The following SCN10A variants were observed in gnomAD, a reference collection of about 807,000 sequenced individuals.
SCN10A encodes the protein sodium voltage-gated channel alpha subunit 10.
In SCN10A, 162 loss-of-function variants were observed where a neutral mutation model predicts 170.7. The observed-to-expected ratio is 0.95, with a 90% CI of 0.84 to 1.08. The LOEUF is 1.08. Ranked by LOEUF, SCN10A falls within the 50% of genes least tolerant of loss-of-function variation. The pLI is 0.00. For synonymous variants in SCN10A, 985 were observed against 904.6 expected, an observed-to-expected ratio of 1.09 and a Z score of -1.59; for missense variants, 2,527 against 2,436.9, an observed-to-expected ratio of 1.04 and a Z score of -0.78.
At chr3:38,790,432 T>A (rs1241340256) in intron 3 of SCN10A, among the ~76,000 whole-genome samples, 1 of 152,006 alleles carries the variant, frequency 6.6e-6, no homozygotes, top group East Asian at 1.9e-4. Context: ...AATCTCAAGA[T>A]GAAGAGAATA....
In SCN10A at chr3:38,768,284, C is replaced by T. The variant is rs146147517; in HGVS notation, c.599+2995G>A. On this transcript the variant is annotated intron_variant, in intron 5 of 27. Coordinates refer to ENST00000449082, the MANE Select transcript of SCN10A (RefSeq NM_006514.4). ...GTGAGGTACTCTTCTATTCATTATG[C>T]TAGTTATTGCCTTAATTCCTTTTTT... Among the ~76,000 whole-genome samples the T allele has an allele frequency of 3.3e-3, 504 of 151,944 alleles. 3 individuals carry two copies. Among genetic ancestry groups the T allele is most frequent in the African/African-American group, 0.01 (432 of 41,472 alleles).
At chr3:38,751,147 C>G (rs1210889334) in intron 12 of SCN10A, among the ~76,000 whole-genome samples, 6 of 152,228 alleles carry the variant, frequency 3.9e-5, no homozygotes, top group Admixed American at 3.3e-4. Context: ...GGCTTCTTCT[C>G]TCCTGTGCTA....
intron 15 of SCN10A, among the ~76,000 whole-genome samples, chr3:38,730,711 A>G (rs1277070330): frequency 6.6e-6 from 1 of 152,296 alleles, no homozygotes; most frequent in East Asian, 1.9e-4. Flanking sequence ...AATGAAAAAT[A>G]TAATACTTAA....
At position 38,752,485 on chromosome 3, in the gene SCN10A, G is replaced by T. The variant is rs370009920; in HGVS notation, c.1489C>A (p.Arg497Ser). ...MSFLGLASGK[R>S]RASHGSVFHF... ...AACACACTGCCATGACTAGCCCGGC[G>T]TTTTCCAGAGGCGAGGCCTAGAAAA... is the stretch of plus-strand genomic sequence containing the variant. The change falls in exon 12 of 28, where the codon CGC becomes AGC. Residue 497 changes from arginine to serine, a missense_variant. By Grantham distance (110) the Arg-to-Ser change is moderately radical (BLOSUM62 -1). Transcript: ENST00000449082. 1.9e-6 allele frequency: 3 copies of T among 1,600,730 alleles called. No individual in the cohort carries two copies. The African/African-American group carries it at 4.0e-5, about 22-fold the overall frequency.
At chr3:38,767,168 T>G (rs1313249522) in intron 5 of SCN10A, among the ~76,000 whole-genome samples, 3 of 152,002 alleles carry the variant, frequency 2.0e-5, no homozygotes, top group Non-Finnish European at 4.4e-5. Flanking sequence ...ATTTTCTATA[T>G]CTTTTTAAAG....
At chr3:38,728,478 A>G (rs1353852266) in intron 16 of SCN10A, 64 bp downstream of exon 16, 2 of 1,470,958 alleles carry the variant, frequency 1.4e-6, no homozygotes, top group South Asian at 1.6e-5. Context: ...AAGCTTTTTC[A>G]GATAACCCAG....
intron 27 of SCN10A, among the ~76,000 whole-genome samples, chr3:38,701,440 T>G (rs920703875): frequency 6.6e-6 from 1 of 152,186 alleles, no homozygotes; most frequent in Non-Finnish European, 1.5e-5. Flanking sequence ...CCAGAACAGA[T>G]TTTAAGACTC....
At chr3:38,792,911 C>T (rs551846743) in intron 2 of SCN10A, among the ~76,000 whole-genome samples, 60 of 151,944 alleles carry the variant, frequency 3.9e-4, no homozygotes, top group African/African-American at 1.4e-3. Context: ...TATGTTGATA[C>T]CTTTTTGTTT....
At chr3:38,792,377 C>T (rs2064293963) in intron 2 of SCN10A, among the ~76,000 whole-genome samples, 1 of 152,182 alleles carries the variant, frequency 6.6e-6, no homozygotes, top group South Asian at 2.1e-4. Context: ...GCAAGATCCT[C>T]ATCTCTGGGA....
chr3:38,711,778 A>G (rs1265555444), intron 23 of SCN10A, among the ~76,000 whole-genome samples: 1 of 152,246 alleles, frequency 6.6e-6, no homozygotes, highest in Non-Finnish European at 1.5e-5. Flanking sequence ...CCAACATTAT[A>G]TATCATTACA....
At position 38,698,365 on chromosome 3, in the gene SCN10A, A is replaced by G; in HGVS notation, c.4855T>C (p.Phe1619Leu). ...NIGLLLFLVM[F>L]IYSIFGMSSF... ...GACATACCGAAGATAGAGTAGATGA[A>G]CATGACAAGGAATAGCAACAGCCCG... is the stretch of plus-strand genomic sequence containing the variant. The change falls in exon 28 of 28, where the codon TTC becomes CTC. Residue 1619 changes from phenylalanine (F) to leucine (L), a missense_variant. By Grantham distance (22) the Phe-to-Leu change is conservative. Coordinates refer to ENST00000449082, the MANE Select transcript of SCN10A (RefSeq NM_006514.4). The G allele has an allele frequency of 6.2e-7, 1 of 1,614,172 alleles. No homozygotes were observed. Among genetic ancestry groups the G allele is most frequent in the Non-Finnish European group, 8.5e-7 (1 of 1,180,024 alleles).
intron 4 of SCN10A, among the ~76,000 whole-genome samples, chr3:38,788,280 G>A (rs1358509382): frequency 6.8e-6 from 1 of 147,286 alleles, no homozygotes; most frequent in Non-Finnish European, 1.5e-5. Flanking sequence ...CCAAAGGTAT[G>A]TTAGGTTCAA....
Position 38,701,873 on chromosome 3 carries a change from C to A in SCN10A, c.4623G>T (p.Val1541=). 1 of 1,613,228 alleles carries A rather than the reference C, an allele frequency of 6.2e-7. No individual in the cohort carries two copies. The highest frequency in any genetic ancestry group is 1.3e-5 in the African/African-American group (1 of 75,036). Residue 1541 remains valine, a synonymous_variant, in exon 27 of 28, where the codon GTG becomes GTT. Transcript: ENST00000449082. ...RQYYFTNGWN[V]FDFIVVVLSI... ...AGAGAACCACCACAATGAAGTCAAA[C>A]ACATTCCAGCCATTTGTGAAGTAGT...
At chr3:38,700,827 G>T (rs1473007720) in intron 27 of SCN10A, among the ~76,000 whole-genome samples, 1 of 152,170 alleles carries the variant, frequency 6.6e-6, no homozygotes, top group Non-Finnish European at 1.5e-5. Context: ...AAGTAAGCAG[G>T]TCAGGATATA....
intron 15 of SCN10A, among the ~76,000 whole-genome samples, chr3:38,731,056 C>T (rs569678808): frequency 2.0e-5 from 3 of 152,194 alleles, no homozygotes; most frequent in African/African-American, 7.2e-5. Context: ...AAGTCCACAC[C>T]TAGACATATT....
Position 38,816,115 on chromosome 3 carries a change from C to T in SCN10A, c.-111G>A, listed in dbSNP as rs116260431. 255 of 152,332 alleles carry T rather than the reference C, an allele frequency of 1.7e-3. No homozygotes were observed. The highest frequency in any genetic ancestry group is 5.3e-3 in the African/African-American group (222 of 41,578). The allele number at this position is 152,332 out of a possible 1,614,324, so 9.4% of individuals were successfully genotyped here. A position where few individuals can be genotyped will look rare whatever the true frequency, so the allele number is the denominator to read the frequency against. ...CCCAGATTGCCTCTACTGGAGACCA[C>T]GAGCTCCTGGAACATACGTTCAGCT... On this transcript the variant is annotated 5_prime_UTR_variant, in exon 1 of 28. The change creates a new upstream start codon in the 5' untranslated region. Coordinates refer to ENST00000449082, the MANE Select transcript of SCN10A (RefSeq NM_006514.4).
intron 11 of SCN10A, among the ~76,000 whole-genome samples, chr3:38,752,899 G>T (rs918447642): frequency 6.6e-6 from 1 of 152,212 alleles, no homozygotes; most frequent in Non-Finnish European, 1.5e-5. Context: ...GTGACCTAAG[G>T]AGGCTACTAT....
intron 5 of SCN10A, among the ~76,000 whole-genome samples, chr3:38,771,002 TGTATG>T (rs1485856517): frequency 6.6e-6 from 1 of 152,202 alleles, no homozygotes; most frequent in Non-Finnish European, 1.5e-5. Flanking sequence ...CCAGTTGGGA[TGTATG>T]TTTGGAGGCA....
chr3:38,793,773 C>G lies in SCN10A; in HGVS notation c.238G>C (p.Glu80Gln). The G allele has an allele frequency of 6.2e-7, 1 of 1,613,866 alleles. No homozygotes were observed. ...GTGCTGTAGAACGGATCTAGATCCT[C>G]CAGGGGCTCCCCGATCAGTTCTGCT... The part of the protein sequence containing the change: ...LPAELIGEPL[E>Q]DLDPFYSTHR... The change falls in exon 2 of 28, where the codon GAG becomes CAG. Residue 80 changes from glutamate (E) to glutamine (Q), a missense_variant. Physicochemically the swap from Glu to Gln is conservative, Grantham distance 29. Transcript: ENST00000449082.
Sources: allele counts gnomAD v4.1 joint callset (sites outside exome capture counted in the v4.1 genomes callset), GRCh38; gene constraint gnomAD v4.1.1; transcripts MANE v1.5; gene names NCBI Gene and HGNC (gene_info 2026-07-23, HGNC 2026-07-21).